The following KIF18A variants were observed in gnomAD, a reference collection of about 807,000 sequenced individuals.
KIF18A encodes kinesin-like protein KIF18A.
KIF18A carries 67 observed loss-of-function variants against 103.3 expected under a neutral mutation model. The observed-to-expected ratio is 0.65, with a 90% CI of 0.53 to 0.79. KIF18A has a LOEUF of 0.79. Ranked by LOEUF, KIF18A falls within the 30% of genes least tolerant of loss-of-function variation. The pLI, the probability that KIF18A is intolerant of heterozygous loss-of-function variation, is 0.00. For missense variants in KIF18A, 1,032 were observed against 1,062.5 expected, an observed-to-expected ratio of 0.97 and a Z score of 0.40; for synonymous variants, 367 against 355.5, an observed-to-expected ratio of 1.03 and a Z score of -0.36.
chr11:28,031,720 C>A (rs1850412594), intron 15 of KIF18A, among the ~76,000 whole-genome samples: 1 of 150,144 alleles, frequency 6.7e-6, no homozygotes, highest in Non-Finnish European at 1.5e-5. Flanking sequence ...ATAGAAGGAA[C>A]ATATCTCAAC....
intron 13 of KIF18A, among the ~76,000 whole-genome samples, chr11:28,049,654 C>T (rs79312974): frequency 0.01 from 1,539 of 151,966 alleles, 12 homozygotes; most frequent in Non-Finnish European, 0.014. Flanking sequence ...TTAATATGTA[C>T]GTGAGGAGAA....
intron 9 of KIF18A, among the ~76,000 whole-genome samples, chr11:28,080,924 T>C (rs1851157649): frequency 6.6e-6 from 1 of 152,134 alleles, no homozygotes; most frequent in African/African-American, 2.4e-5. Flanking sequence ...ACTAAGAAAG[T>C]GAAACAGCCT....
At chr11:28,089,376 T>G (rs1229202953) in intron 5 of KIF18A, among the ~76,000 whole-genome samples, 1 of 152,156 alleles carries the variant, frequency 6.6e-6, no homozygotes, top group East Asian at 1.9e-4. Context: ...AGACTGCTTT[T>G]GGGGTAATAA....
intron 13 of KIF18A, among the ~76,000 whole-genome samples, chr11:28,046,739 G>GAAATTAAATGA (rs1850640337): frequency 1.5e-5 from 2 of 131,500 alleles, no homozygotes; most frequent in East Asian, 2.2e-4. Flanking sequence ...GAAATTAAAT[G>GAAATTAAATGA]AAAAAAAAAA....
At chr11:28,106,499 C>T (rs750624467) in intron 1 of KIF18A, among the ~76,000 whole-genome samples, 3 of 145,952 alleles carry the variant, frequency 2.1e-5, no homozygotes, top group Non-Finnish European at 3.0e-5. Flanking sequence ...GAGGGAAGGC[C>T]GGCACTGACA....
chr11:28,080,830 T>C (rs867416683), intron 9 of KIF18A, among the ~76,000 whole-genome samples: 3 of 152,220 alleles, frequency 2.0e-5, no homozygotes, highest in South Asian at 4.1e-4. Flanking sequence ...GCTAGGTCTC[T>C]TGCACAAAAC....
chr11:28,100,552 T>G (rs1851431616), intron 1 of KIF18A, among the ~76,000 whole-genome samples: 2 of 64,960 alleles, frequency 3.1e-5, no homozygotes, highest in East Asian at 4.2e-4. Flanking sequence ...AGAAAAATGG[T>G]GTGAGTGAAG....
At chr11:28,044,427 A>G (rs1850602639) in intron 13 of KIF18A, among the ~76,000 whole-genome samples, 1 of 152,134 alleles carries the variant, frequency 6.6e-6, no homozygotes, top group South Asian at 2.1e-4. Context: ...GCTTTGTTTA[A>G]TAAGTCCAAC....
chr11:28,057,626 G>C (rs1276670375), intron 13 of KIF18A, among the ~76,000 whole-genome samples: 21 of 151,806 alleles, frequency 1.4e-4, no homozygotes. Flanking sequence ...TGGGTACTAA[G>C]TACAGAAAAA....
In KIF18A at chr11:28,061,272, C is replaced by G. The variant is rs1287074688; in HGVS notation, c.1712+1123G>C. Among the ~76,000 whole-genome samples the G allele has an allele frequency of 5.3e-5, 8 of 152,170 alleles. No homozygotes were observed. The East Asian group carries it at 1.4e-3, about 26-fold the overall frequency. ...ATAAGAAAACTATAGCTTAGCAAAG[C>G]TAAATAATCAGCGTAAGGTTATATT... On this transcript the variant is annotated intron_variant, in intron 12 of 16. Transcript: ENST00000263181.
chr11:28,037,711 GTTCAGAGTACTT>G (rs1263091197), intron 13 of KIF18A, among the ~76,000 whole-genome samples: 1 of 151,550 alleles, frequency 6.6e-6, no homozygotes, highest in Non-Finnish European at 1.5e-5. Context: ...AATTCAGAGA[GTTCAGAGTACTT>G]TCACCCTCAT....
At chr11:28,063,342 C>T (rs929717315) in intron 11 of KIF18A, among the ~76,000 whole-genome samples, 13 of 152,052 alleles carry the variant, frequency 8.5e-5, no homozygotes, top group African/African-American at 3.1e-4. Context: ...AATATTACGT[C>T]TGTTCTCCTT....
At chr11:28,041,773 G>A (rs1040472926) in intron 13 of KIF18A, among the ~76,000 whole-genome samples, 5 of 151,788 alleles carry the variant, frequency 3.3e-5, no homozygotes, top group African/African-American at 1.2e-4. Context: ...ATGGAGAGAT[G>A]TGAGAAGGGT....
At chr11:28,032,923 G>C (rs1375441559) in intron 15 of KIF18A, among the ~76,000 whole-genome samples, 2 of 151,680 alleles carry the variant, frequency 1.3e-5, no homozygotes, top group Non-Finnish European at 2.9e-5. Context: ...AAAGTGAAGA[G>C]ACAACCCACA....
Position 28,035,721 on chromosome 11 carries a change from T to C in KIF18A, c.2397-227A>G, listed in dbSNP as rs543494885. ...TTTCTGCATTCCCAGTGGCATAGAA[T>C]AGTGAAGGTATTTTTCTTTCCATAT... On this transcript the variant is annotated intron_variant, in intron 14 of 16. Transcript: ENST00000263181. Among the ~76,000 whole-genome samples, 12 of 151,648 alleles carry C rather than the reference T, an allele frequency of 7.9e-5. No homozygotes were observed. The South Asian group carries it at 1.7e-3, about 21-fold the overall frequency.
At chr11:28,065,653 C>A (rs1418404093) in intron 11 of KIF18A, among the ~76,000 whole-genome samples, 2 of 151,902 alleles carry the variant, frequency 1.3e-5, no homozygotes, top group Non-Finnish European at 2.9e-5. Flanking sequence ...AGAAACAATA[C>A]CATACCATTT....
rs763552038 is a variant in KIF18A, at chr11:28,040,630, T to C, written c.1949-3966A>G. 8.6e-5 allele frequency among the ~76,000 whole-genome samples: 13 copies of C among 151,728 alleles called. No individual in the cohort carries two copies. The South Asian group carries it at 1.2e-3, about 15-fold the overall frequency. On this transcript the variant is annotated intron_variant, in intron 13 of 16. Coordinates refer to ENST00000263181, the MANE Select transcript of KIF18A (RefSeq NM_031217.4). ...TGCTACACAGAAGGGAACAGGAAAT[T>C]AAAAATGCATTGTTATAAGGCACGC...
chr11:28,031,677 T>TAA (rs372568437), intron 15 of KIF18A, among the ~76,000 whole-genome samples: 104 of 131,104 alleles, frequency 7.9e-4, no homozygotes, highest in African/African-American at 2.5e-3. Flanking sequence ...ACTTAAAGCA[T>TAA]AAAAAAAAAA....
intron 1 of KIF18A, among the ~76,000 whole-genome samples, chr11:28,100,358 G>A (rs888416553): frequency 6.6e-6 from 1 of 152,010 alleles, no homozygotes; most frequent in African/African-American, 2.4e-5. Context: ...CTAAATGAAG[G>A]AGGAAACAGC....
Sources: gnomAD v4.1 joint callset for allele counts (sites outside exome capture counted in the v4.1 genomes callset) on GRCh38, gnomAD v4.1.1 for gene constraint, MANE v1.5 for transcripts, NCBI Gene and HGNC (gene_info 2026-07-23, HGNC 2026-07-21) for gene names.